The following ADCY2 variants were observed in gnomAD, a reference collection of about 807,000 sequenced individuals.
The protein encoded by ADCY2 is adenylate cyclase 2.
A neutral mutation model predicts 125.2 loss-of-function variants in ADCY2; 31 were observed. The observed-to-expected ratio is 0.25, with a 90% CI of 0.19 to 0.33. The LOEUF (loss-of-function observed/expected upper bound fraction) is 0.33, where lower values mean the gene tolerates loss of function less well. ADCY2 is among the 10% of genes least tolerant of loss of function. The pLI is 1.00. For missense variants in ADCY2, 904 were observed against 1,418.2 expected (o/e 0.64, Z 5.82); for synonymous variants, 512 against 548.4 (o/e 0.93, Z 0.93).
rs567647352 is a variant in ADCY2 at position 7,616,653 on chromosome 5, T to G, written c.571-9514T>G. Among the ~76,000 whole-genome samples, 459 of 152,316 alleles carry G rather than the reference T, an allele frequency of 3.0e-3. 1 individual carries two copies. The highest frequency in any genetic ancestry group is 5.6e-3 in the Admixed American group (86 of 15,302). On this transcript the variant is annotated intron_variant, in intron 3 of 24. Transcript: ENST00000338316. ...CTGCAAGAGTTACCAGCCCCAAATG[T>G]CTAAGGCTTGCCCATTTTGACATTC... is the stretch of plus-strand genomic sequence containing the variant.
At chr5:7,812,656 C>G (rs1463177893) in intron 22 of ADCY2, among the ~76,000 whole-genome samples, 2 of 152,174 alleles carry the variant, frequency 1.3e-5, no homozygotes, top group Non-Finnish European at 2.9e-5. Context: ...GCCTGTAATC[C>G]CAGCACTTTG....
chr5:7,694,898 A>G (rs932411036), intron 5 of ADCY2, among the ~76,000 whole-genome samples: 1 of 152,146 alleles, frequency 6.6e-6, no homozygotes, highest in East Asian at 1.9e-4. Context: ...CCAGCAACAC[A>G]TGTGTACCCC....
intron 19 of ADCY2, among the ~76,000 whole-genome samples, chr5:7,786,706 A>T (rs1163762562): frequency 2.0e-5 from 3 of 152,208 alleles, no homozygotes; most frequent in African/African-American, 7.2e-5. Flanking sequence ...ACCAGAGCTT[A>T]AACAGCAGCA....
Position 7,784,463 on chromosome 5 carries a change from TTATATA to T in ADCY2, c.2469+18_2469+23del. The T allele has an allele frequency of 6.3e-7, 1 of 1,590,636 alleles. No individual in the cohort carries two copies. The highest frequency in any genetic ancestry group is 1.1e-5 in the South Asian group (1 of 90,562). ...CTGGGTAGACAGGTAAGAAGTCTGT[TTATATA>T]TATGTATGTATACCTTCTCTAAAGT... is the stretch of plus-strand genomic sequence containing the variant. On this transcript the variant is annotated intron_variant, in intron 19 of 24. Transcript: ENST00000338316.
chr5:7,464,612 T>C (rs1399182280), intron 2 of ADCY2, among the ~76,000 whole-genome samples: 1 of 152,116 alleles, frequency 6.6e-6, no homozygotes, highest in East Asian at 1.9e-4. Flanking sequence ...GCTTAGGGCA[T>C]GGACCAGAGC....
At chr5:7,704,969 A>T (rs764812677) in intron 7 of ADCY2, among the ~76,000 whole-genome samples, 2 of 152,090 alleles carry the variant, frequency 1.3e-5, no homozygotes, top group African/African-American at 2.4e-5. Context: ...GACGGTTTTA[A>T]TGTTTTAACC....
intron 22 of ADCY2, among the ~76,000 whole-genome samples, chr5:7,815,996 G>A (rs1030681779): frequency 2.6e-5 from 4 of 152,090 alleles, no homozygotes; most frequent in African/African-American, 4.8e-5. Flanking sequence ...GTCTTCACAC[G>A]GCCTTCCCTT....
At chr5:7,727,044 G>A in intron 13 of ADCY2, 120 bp from the exon 14 acceptor site, 1 of 690,370 alleles carries the variant, frequency 1.4e-6, no homozygotes, top group East Asian at 2.7e-5. Context: ...GCTCACGTTG[G>A]CTGCAATCTG....
rs565850957 is a variant in ADCY2 at position 7,661,892 on chromosome 5, T to TCA, written c.721-28794_721-28793dup. Among the ~76,000 whole-genome samples, 101 of 152,186 alleles carry TCA rather than the reference T, an allele frequency of 6.6e-4. 1 individual carries two copies. The highest frequency in any genetic ancestry group is 2.6e-4 in the Non-Finnish European group (18 of 68,030). ...GTTTAGAGTGTTTTTGTCAAGAAAA[T>TCA]CACACAAAAAGACATTTCTAATTGC... On this transcript the variant is annotated intron_variant, in intron 4 of 24. Transcript: ENST00000338316.
chr5:7,504,331 A>G (rs944431583), intron 2 of ADCY2, among the ~76,000 whole-genome samples: 3 of 152,228 alleles, frequency 2.0e-5, no homozygotes, highest in African/African-American at 4.8e-5. Context: ...CAGAATCTAG[A>G]ACACAATATT....
rs144148034 is a variant in ADCY2, at chr5:7,549,529, C to A, written c.570+28630C>A. On this transcript the variant is annotated intron_variant, in intron 3 of 24. Coordinates refer to ENST00000338316, the MANE Select transcript of ADCY2 (RefSeq NM_020546.3). ...GAAAATGGGATGGGAAGGTATCACC[C>A]TCTCAAATTTTCTTTGCATTTTAAG... Among the ~76,000 whole-genome samples, 327 of 152,312 alleles carry A rather than the reference C, an allele frequency of 2.1e-3. 3 individuals are homozygous for A. Among genetic ancestry groups the A allele is most frequent in the African/African-American group, 7.6e-3 (314 of 41,576 alleles).
At chr5:7,509,395 C>T (rs1372830103) in intron 2 of ADCY2, among the ~76,000 whole-genome samples, 1 of 152,298 alleles carries the variant, frequency 6.6e-6, no homozygotes, top group Admixed American at 6.5e-5. Flanking sequence ...GGGTTCAGAA[C>T]AGATGAAGAG....
chr5:7,716,441 C>G (rs1741592984), intron 11 of ADCY2, among the ~76,000 whole-genome samples: 1 of 152,298 alleles, frequency 6.6e-6, no homozygotes, highest in Admixed American at 6.5e-5. Context: ...AAAGCTAATA[C>G]ATCTCCTAGG....
Position 7,644,111 on chromosome 5 carries a change from C to G in ADCY2, c.720+17795C>G, listed in dbSNP as rs72710478. ...ATATCTCACAAATAGTGTCTTCATT[C>G]TTGATTCCTTTCACTCACCACTAAA... On this transcript the variant is annotated intron_variant, in intron 4 of 24. Coordinates refer to ENST00000338316, the MANE Select transcript of ADCY2 (RefSeq NM_020546.3). 5.5e-3 allele frequency among the ~76,000 whole-genome samples: 837 copies of G among 152,172 alleles called. 7 individuals carry two copies. Among genetic ancestry groups the G allele is most frequent in the Middle Eastern group, 0.014 (4 of 294 alleles).
At chr5:7,739,876 T>G (rs1027815432) in intron 14 of ADCY2, among the ~76,000 whole-genome samples, 1 of 151,964 alleles carries the variant, frequency 6.6e-6, no homozygotes, top group Non-Finnish European at 1.5e-5. Flanking sequence ...AATAGAAAAT[T>G]TAACTGTGCA....
At chr5:7,600,925 A>G (rs1035668910) in intron 3 of ADCY2, among the ~76,000 whole-genome samples, 1 of 152,210 alleles carries the variant, frequency 6.6e-6, no homozygotes, top group African/African-American at 2.4e-5. Flanking sequence ...AGGTTCATGT[A>G]ATCAGAAAGT....
At chr5:7,665,751 A>C (rs1284869667) in intron 4 of ADCY2, among the ~76,000 whole-genome samples, 1 of 142,492 alleles carries the variant, frequency 7.0e-6, no homozygotes, top group Non-Finnish European at 1.5e-5. Flanking sequence ...GCCCGGCCAC[A>C]TCTCTATCTC....
chr5:7,547,665 T>A (rs1379980798), intron 3 of ADCY2, among the ~76,000 whole-genome samples: 1 of 152,192 alleles, frequency 6.6e-6, no homozygotes, highest in Non-Finnish European at 1.5e-5. Flanking sequence ...AAGCAGGTGA[T>A]CTTTACCTGT....
At chr5:7,770,018 T>C (rs541987497) in intron 17 of ADCY2, among the ~76,000 whole-genome samples, 1 of 152,322 alleles carries the variant, frequency 6.6e-6, no homozygotes, top group East Asian at 1.9e-4. Flanking sequence ...CCTGGTATCC[T>C]GCAGTGTCCT....
Sources: allele counts gnomAD v4.1 joint callset (sites outside exome capture counted in the v4.1 genomes callset), GRCh38; gene constraint gnomAD v4.1.1; transcripts MANE v1.5; gene names NCBI Gene and HGNC (gene_info 2026-07-23, HGNC 2026-07-21).